Variants in QRSL1 observed in about 807,000 individuals in gnomAD.
The protein encoded by QRSL1 is glutamyl-tRNA(Gln) amidotransferase subunit A, mitochondrial.
QRSL1 carries 54 observed loss-of-function variants against 61.6 expected under a neutral mutation model. That is an observed-to-expected ratio of 0.88 (90% CI 0.70 to 1.10). The LOEUF (loss-of-function observed/expected upper bound fraction) is 1.10, where lower values mean the gene tolerates loss of function less well. Among genes scored for constraint, QRSL1 ranks in the 50% least tolerant of loss-of-function variants. QRSL1 has a pLI of 0.00. For synonymous variants in QRSL1, 228 were observed against 225.7 expected (o/e 1.01, Z -0.09); for missense variants, 505 against 622.6 (o/e 0.81, Z 2.01).
Position 106,629,725 on chromosome 6 carries a change from T to A in QRSL1, c.24+20T>A, listed in dbSNP as rs570669053. 6.9e-6 allele frequency: 11 copies of A among 1,600,186 alleles called. No homozygotes were observed. Among genetic ancestry groups the A allele is most frequent in the African/African-American group, 5.4e-5 (4 of 74,654 alleles). ...CGAGAAGTGAGTGGAATTGGCCCGC[T>A]GAGGCCCCCGGGAGGGCGGAAAGTT... is the stretch of plus-strand genomic sequence containing the variant. On this transcript the variant is annotated intron_variant, in intron 1 of 10. Transcript: ENST00000369046.
intron 9 of QRSL1, among the ~76,000 whole-genome samples, chr6:106,656,561 G>T (rs1029296417): frequency 3.9e-5 from 6 of 152,218 alleles, no homozygotes; most frequent in Admixed American, 2.6e-4. Context: ...AGCAAGATTG[G>T]TTATTGTAAT....
At chr6:106,663,859 G>C (rs941177866) in intron 10 of QRSL1, among the ~76,000 whole-genome samples, 5 of 152,078 alleles carry the variant, frequency 3.3e-5, no homozygotes, top group African/African-American at 1.2e-4. Flanking sequence ...TGAAAAAGTG[G>C]TATAATGAAT....
chr6:106,639,111 G>GTTTTTTTTT lies in QRSL1; in HGVS notation c.25-1234_25-1233insTTTTTTTTT, dbSNP rs1562164982. ...ACCTAACTTGTGTGGTTATTTGTGT[G>GTTTTTTTTT]TTTTGTTGTTTTTTTTTTTTTTTTT... On this transcript the variant is annotated intron_variant, in intron 1 of 10. Coordinates refer to ENST00000369046, the MANE Select transcript of QRSL1 (RefSeq NM_018292.5). Among the ~76,000 whole-genome samples the GTTTTTTTTT allele has an allele frequency of 3.5e-3, 215 of 60,730 alleles. 11 individuals are homozygous for GTTTTTTTTT. Among genetic ancestry groups the GTTTTTTTTT allele is most frequent in the African/African-American group, 0.014 (205 of 14,920 alleles). 39.8% of individuals were successfully genotyped at this position (60,730 alleles called of 152,430 possible).
chr6:106,629,639 C>G lies in QRSL1; in HGVS notation c.-43C>G. The G allele has an allele frequency of 6.3e-7, 1 of 1,583,540 alleles. No homozygotes were observed. Among genetic ancestry groups the G allele is most frequent in the Non-Finnish European group, 8.6e-7 (1 of 1,165,760 alleles). On this transcript the variant is annotated 5_prime_UTR_variant, in exon 1 of 11. Coordinates refer to ENST00000369046, the MANE Select transcript of QRSL1 (RefSeq NM_018292.5). ...ACTAGCGACCGGTGACCTCTTTTTCCCCCTTGCCTGGCTCCTGTGGTGGCA... is the reference window on the plus strand; with the variant it reads ...ACTAGCGACCGGTGACCTCTTTTTCGCCCTTGCCTGGCTCCTGTGGTGGCA...
Position 106,663,158 on chromosome 6 carries a change from A to G in QRSL1, c.1339A>G (p.Ile447Val). Residue 447 changes from isoleucine (I) to valine (V), a missense_variant, in exon 10 of 11, where the codon ATT (isoleucine) becomes GTT (valine). By Grantham distance (29) the Ile-to-Val change is conservative. Transcript: ENST00000369046. ...DNRTRSAQDD[I>V]FTQAVNMAGL... ...CAGAACCCGAAGTGCCCAGGATGAT[A>G]TTTTTACACAAGCTGTAAATATGGC... 1.2e-6 allele frequency: 2 copies of G among 1,614,132 alleles called. No homozygotes were observed. Among genetic ancestry groups the G allele is most frequent in the Non-Finnish European group, 1.7e-6 (2 of 1,179,998 alleles).
At chr6:106,629,890 C>G (rs1014762068) in intron 1 of QRSL1, among the ~76,000 whole-genome samples, 185 bp downstream of exon 1, 1 of 152,120 alleles carries the variant, frequency 6.6e-6, no homozygotes, top group Non-Finnish European at 1.5e-5. Flanking sequence ...GGAGTTAGGA[C>G]CTTAGCAGGG....
At chr6:106,640,710 T>C in intron 2 of QRSL1, 113 bp from the exon 3 acceptor site, 2 of 1,084,772 alleles carry the variant, frequency 1.8e-6, no homozygotes, top group Non-Finnish European at 2.7e-6. Context: ...CATAAATTTG[T>C]TTTCTGAAGA....
chr6:106,648,993 T>C, intron 4 of QRSL1, 32 bp from the exon 5 acceptor site: 2 of 1,569,006 alleles, frequency 1.3e-6, no homozygotes, highest in Non-Finnish European at 1.7e-6. Context: ...ATGAAAGTTT[T>C]ACTAAGGTAT....
chr6:106,651,778 T>A (rs1434487501), intron 5 of QRSL1, among the ~76,000 whole-genome samples: 1 of 152,154 alleles, frequency 6.6e-6, no homozygotes, highest in African/African-American at 2.4e-5. Flanking sequence ...AATATCAACA[T>A]CAGAAGAAAG....
In QRSL1 at chr6:106,668,020, C is replaced by T. The variant is rs1246948371; in HGVS notation, c.*2018C>T. The T allele has an allele frequency of 1.4e-4, 21 of 152,034 alleles. No homozygotes were observed. Among genetic ancestry groups the T allele is most frequent in the Admixed American group, 1.4e-3 (21 of 15,248 alleles). 9.4% of individuals were successfully genotyped at this position (152,034 alleles called of 1,614,324 possible). On this transcript the variant is annotated 3_prime_UTR_variant, in exon 11 of 11. Transcript: ENST00000369046. Reference sequence around the variant, plus strand: ...TGTTGCCCAGGCTAGTCTCAAACTCCTGGGCTCAAGTGATCTGCCTCCCTC... The same window carrying T: ...TGTTGCCCAGGCTAGTCTCAAACTCTTGGGCTCAAGTGATCTGCCTCCCTC...
intron 9 of QRSL1, among the ~76,000 whole-genome samples, chr6:106,659,016 G>A (rs1777314074): frequency 6.6e-6 from 1 of 150,938 alleles, no homozygotes; most frequent in Admixed American, 6.6e-5. Context: ...TTCCATTACT[G>A]TTTTCAGAAT....
chr6:106,667,794 G>T lies in QRSL1; in HGVS notation c.*1792G>T, dbSNP rs991519275. On this transcript the variant is annotated 3_prime_UTR_variant, in exon 11 of 11. Transcript: ENST00000369046. Reference sequence around the variant, plus strand: ...AGGAAGAAATCCATGAGAGAAAATTGCATTACTTTATAGCAAGAGGAAACC... The same window carrying T: ...AGGAAGAAATCCATGAGAGAAAATTTCATTACTTTATAGCAAGAGGAAACC... The T allele has an allele frequency of 1.3e-5, 2 of 152,014 alleles. No homozygotes were observed. Among genetic ancestry groups the T allele is most frequent in the African/African-American group, 4.8e-5 (2 of 41,366 alleles). 9.4% of individuals were successfully genotyped at this position (152,014 alleles called of 1,614,324 possible). A position where few individuals can be genotyped will look rare whatever the true frequency, so the allele number is the denominator to read the frequency against.
chr6:106,641,890 G>GAT (rs1231338038), intron 3 of QRSL1, among the ~76,000 whole-genome samples: 1 of 152,134 alleles, frequency 6.6e-6, no homozygotes, highest in African/African-American at 2.4e-5. Context: ...AGTGTTTTTA[G>GAT]ATTATAAAAA....
chr6:106,641,405 T>C (rs971287544), intron 3 of QRSL1, among the ~76,000 whole-genome samples: 1 of 152,220 alleles, frequency 6.6e-6, no homozygotes, highest in Non-Finnish European at 1.5e-5. Flanking sequence ...TACCCTTCTG[T>C]GGATGACGTG....
rs750823371 is a variant in QRSL1 at position 106,649,080 on chromosome 6, A to G, written c.436A>G (p.Lys146Glu). ...AGTTAAAAACCCCTGGAGTTATTCAAAACAATATAGAGAAAAGAGGAAGCA... is the reference window on the plus strand; with the variant it reads ...AGTTAAAAACCCCTGGAGTTATTCAGAACAATATAGAGAAAAGAGGAAGCA... ...GPVKNPWSYSKQYREKRKQNP... is the reference protein window; with the variant it reads ...GPVKNPWSYSEQYREKRKQNP... The change falls in exon 5 of 11, where the codon AAA becomes GAA. Residue 146 changes from lysine (K) to glutamate (E), a missense_variant. Physicochemically the swap from Lys to Glu is moderately conservative, Grantham distance 56 (BLOSUM62 1). Transcript: ENST00000369046. 14 of 1,614,052 alleles carry G rather than the reference A, an allele frequency of 8.7e-6. No individual in the cohort carries two copies. In the African/African-American group the frequency reaches 1.3e-4, roughly 15 times the overall value.
chr6:106,638,194 T>C (rs1776953651), intron 1 of QRSL1, among the ~76,000 whole-genome samples: 1 of 152,248 alleles, frequency 6.6e-6, no homozygotes, highest in African/African-American at 2.4e-5. Context: ...TCTAACTCTC[T>C]TCCACCCAGC....
chr6:106,653,019 T>C (rs1012695143), intron 7 of QRSL1: 3 of 308,326 alleles, frequency 9.7e-6, no homozygotes, highest in Non-Finnish European at 1.2e-5. Context: ...TGGGCCATAG[T>C]TTGCCCATCC....
At chr6:106,664,461 G>A (rs1777403059) in intron 10 of QRSL1, among the ~76,000 whole-genome samples, 1 of 152,166 alleles carries the variant, frequency 6.6e-6, no homozygotes, top group Admixed American at 6.5e-5. Context: ...TAGGTCTGCT[G>A]ATGAAAAATT....
At chr6:106,655,054 T>C in intron 8 of QRSL1, 132 bp downstream of exon 8, 1 of 841,036 alleles carries the variant, frequency 1.2e-6, no homozygotes, top group African/African-American at 1.7e-5. Flanking sequence ...TGAATCATTT[T>C]ACCTTTGTCA....
Sources: allele counts gnomAD v4.1 joint callset (sites outside exome capture counted in the v4.1 genomes callset), GRCh38; gene constraint gnomAD v4.1.1; transcripts MANE v1.5; gene names NCBI Gene and HGNC (gene_info 2026-07-23, HGNC 2026-07-21).